Variants in MBD5 observed in about 807,000 individuals in gnomAD.
The protein encoded by MBD5 is methyl-CpG binding domain protein 5.
In MBD5, 13 loss-of-function variants were observed where a neutral mutation model predicts 117.3. The observed-to-expected ratio is 0.11, with a 90% confidence interval of 0.07 to 0.18. The LOEUF is 0.18. Among genes scored for constraint, MBD5 ranks in the 10% least tolerant of loss-of-function variants. The pLI is 1.00. For synonymous variants in MBD5, 727 were observed against 766.4 expected (o/e 0.95, Z 0.85); for missense variants, 1,879 against 2,093.8 (o/e 0.90, Z 2.00).
intron 3 of MBD5, among the ~76,000 whole-genome samples, chr2:148,242,268 G>C (rs189116533): frequency 1.3e-5 from 2 of 151,802 alleles, no homozygotes; most frequent in African/African-American, 4.8e-5. Context: ...TACTATATGG[G>C]ATGAATCACT....
intron 3 of MBD5, among the ~76,000 whole-genome samples, chr2:148,275,322 T>G (rs1311355608): frequency 6.6e-6 from 1 of 152,140 alleles, no homozygotes; most frequent in Non-Finnish European, 1.5e-5. Context: ...CTTCTCACAT[T>G]TTTATTATTG....
intron 4 of MBD5, among the ~76,000 whole-genome samples, chr2:148,357,556 C>T (rs1003865514): frequency 4.6e-5 from 7 of 151,440 alleles, no homozygotes; most frequent in Admixed American, 4.6e-4. Flanking sequence ...TGGGTACTCT[C>T]TTCTGAGGAG....
intron 3 of MBD5, among the ~76,000 whole-genome samples, chr2:148,269,428 A>C (rs1029208501): frequency 6.6e-6 from 1 of 151,666 alleles, no homozygotes; most frequent in Non-Finnish European, 1.5e-5. Flanking sequence ...TAGGAGATAA[A>C]CTTTTAAGTC....
chr2:148,099,365 T>C (rs1696148045), intron 1 of MBD5, among the ~76,000 whole-genome samples: 1 of 152,126 alleles, frequency 6.6e-6, no homozygotes, highest in African/African-American at 2.4e-5. Context: ...CATGAATGTG[T>C]TTATATATTT....
At chr2:148,231,190 G>T (rs1206908412) in intron 2 of MBD5, among the ~76,000 whole-genome samples, 4 of 152,262 alleles carry the variant, frequency 2.6e-5, no homozygotes, top group South Asian at 2.1e-4. Flanking sequence ...GAACACTTTA[G>T]CCTGCACTGA....
At chr2:148,361,220 C>A (rs1290386168) in intron 4 of MBD5, among the ~76,000 whole-genome samples, 1 of 152,092 alleles carries the variant, frequency 6.6e-6, no homozygotes, top group Non-Finnish European at 1.5e-5. Context: ...TGAGGTGGCA[C>A]ATGCCTGTAA....
At chr2:148,366,263 A>T (rs1474051361) in intron 4 of MBD5, among the ~76,000 whole-genome samples, 1 of 136,140 alleles carries the variant, frequency 7.3e-6, no homozygotes, top group East Asian at 2.4e-4. Flanking sequence ...AAGGCCTTCG[A>T]TAAAATCCAA....
At chr2:148,262,156 G>A (rs1700747086) in intron 3 of MBD5, among the ~76,000 whole-genome samples, 1 of 151,944 alleles carries the variant, frequency 6.6e-6, no homozygotes, top group South Asian at 2.1e-4. Context: ...CATGCTGTGG[G>A]AAAAAATGGC....
chr2:148,045,467 G>A (rs1397037847), intron 1 of MBD5, among the ~76,000 whole-genome samples: 1 of 152,160 alleles, frequency 6.6e-6, no homozygotes, highest in East Asian at 1.9e-4. Flanking sequence ...AGGAAAGAAA[G>A]ATATTAATTT....
chr2:148,033,452 A>T, intron 1 of MBD5, among the ~76,000 whole-genome samples: 1 of 152,286 alleles, frequency 6.6e-6, no homozygotes. Context: ...CTTTTAACTT[A>T]TTGTCAATAA....
intron 11 of MBD5, among the ~76,000 whole-genome samples, chr2:148,500,759 G>A (rs1223134319): frequency 1.3e-5 from 2 of 152,092 alleles, no homozygotes; most frequent in African/African-American, 4.8e-5. Flanking sequence ...CTCCTTTCCT[G>A]CTGCCAAGAA....
At chr2:148,471,071 G>A (rs1447864273) in intron 8 of MBD5, 1 of 151,692 alleles carries the variant, frequency 6.6e-6, no homozygotes, top group African/African-American at 2.4e-5. Context: ...TAAAAAAAAA[G>A]CTAATAATTT....
chr2:148,079,526 C>G (rs1290975641), intron 1 of MBD5, among the ~76,000 whole-genome samples: 1 of 151,852 alleles, frequency 6.6e-6, no homozygotes, highest in Non-Finnish European at 1.5e-5. Context: ...TCCACTGCAT[C>G]TCCATCCCAC....
At chr2:148,231,613 A>G (rs935952172) in intron 2 of MBD5, among the ~76,000 whole-genome samples, 1 of 152,054 alleles carries the variant, frequency 6.6e-6, no homozygotes, top group Non-Finnish European at 1.5e-5. Flanking sequence ...GGAGATTTCT[A>G]TTCTGCCATC....
intron 2 of MBD5, among the ~76,000 whole-genome samples, chr2:148,219,712 G>A (rs910162479): frequency 2.6e-5 from 4 of 152,114 alleles, no homozygotes; most frequent in Non-Finnish European, 4.4e-5. Context: ...GTCACTAAGT[G>A]ACACTTTTTC....
At chr2:148,121,975 G>A (rs755644197) in intron 1 of MBD5, among the ~76,000 whole-genome samples, 5 of 152,016 alleles carry the variant, frequency 3.3e-5, no homozygotes, top group Non-Finnish European at 5.9e-5. Context: ...TGGATTCTTT[G>A]GAGTCAACTC....
At chr2:148,022,660 A>G (rs1252577570) in intron 1 of MBD5, among the ~76,000 whole-genome samples, 1 of 152,188 alleles carries the variant, frequency 6.6e-6, no homozygotes, top group African/African-American at 2.4e-5. Context: ...TTGTAAATTG[A>G]GATGAGTTTT....
chr2:148,333,702 A>G (rs1702718948), intron 3 of MBD5, among the ~76,000 whole-genome samples: 1 of 151,900 alleles, frequency 6.6e-6, no homozygotes, highest in Non-Finnish European at 1.5e-5. Context: ...ATAAATAAAT[A>G]CAAAAATTAG....
chr2:148,442,218 T>C (rs1706348792), intron 4 of MBD5, among the ~76,000 whole-genome samples: 2 of 151,500 alleles, frequency 1.3e-5, no homozygotes, highest in Admixed American at 1.3e-4. Context: ...TACTTCCTTA[T>C]CTTATGGCGA....
Sources: allele counts gnomAD v4.1 joint callset (sites outside exome capture counted in the v4.1 genomes callset), GRCh38; gene constraint gnomAD v4.1.1; transcripts MANE v1.5; gene names NCBI Gene and HGNC (gene_info 2026-07-23, HGNC 2026-07-21).